SDK2: variants seen among roughly 807,000 people sequenced by gnomAD.
SDK2 encodes the protein protein sidekick-2.
A neutral mutation model predicts 253.9 loss-of-function variants in SDK2; 105 were observed. The ratio of observed to expected loss-of-function variants is 0.41; its 90% CI spans 0.35 to 0.49. The LOEUF is 0.49. SDK2 is among the 20% of genes least tolerant of loss of function. The pLI, the probability that SDK2 is intolerant of heterozygous loss-of-function variation, is 0.06. For synonymous variants in SDK2, 1,249 were observed against 1,234.9 expected, an observed-to-expected ratio of 1.01 and a Z score of -0.24; for missense variants, 2,608 against 3,003.0, an observed-to-expected ratio of 0.87 and a Z score of 3.07.
At chr17:73,533,964 G>C (rs1177082771) in intron 1 of SDK2, among the ~76,000 whole-genome samples, 1 of 151,988 alleles carries the variant, frequency 6.6e-6, no homozygotes, top group African/African-American at 2.4e-5. Flanking sequence ...AACACAATGC[G>C]GCAGCAGGAA....
chr17:73,542,844 T>C (rs2044891643), intron 1 of SDK2, among the ~76,000 whole-genome samples: 1 of 152,036 alleles, frequency 6.6e-6, no homozygotes, highest in Admixed American at 6.5e-5. Flanking sequence ...GGTGCCAAAG[T>C]CCGGAAAGGG....
At chr17:73,406,697 C>G (rs1362065664) in intron 18 of SDK2, among the ~76,000 whole-genome samples, 2 of 152,064 alleles carry the variant, frequency 1.3e-5, no homozygotes, top group East Asian at 3.8e-4. Flanking sequence ...TGTAAATATT[C>G]AACGTAATTA....
chr17:73,583,689 T>C (rs956211633), intron 1 of SDK2, among the ~76,000 whole-genome samples: 2 of 116,082 alleles, frequency 1.7e-5, no homozygotes, highest in African/African-American at 3.8e-5. Flanking sequence ...GGAGGGAAGA[T>C]GCAGGGCCAA....
At position 73,507,555 on chromosome 17, in the gene SDK2, T is replaced by G. The variant is rs1242839162; in HGVS notation, c.107A>C (p.Gln36Pro). 6.4e-7 allele frequency: 1 copy of G among 1,551,710 alleles called. No individual in the cohort carries two copies. The highest frequency in any genetic ancestry group is 8.7e-7 in the Non-Finnish European group (1 of 1,146,970). Residue 36 changes from glutamine (Q) to proline (P), a missense_variant, in exon 2 of 45, where the codon CAG (glutamine) becomes CCG (proline). Gln to Pro is a moderately conservative substitution (Grantham distance 76, BLOSUM62 -1). Coordinates refer to ENST00000392650, the MANE Select transcript of SDK2 (RefSeq NM_001144952.2). The part of the protein sequence containing the change: ...PYFKTEPVRT[Q>P]VHLEGNRLVL... The stretch of plus-strand genomic sequence containing the variant: ...CAGGCGGTTTCCTTCCAAGTGCACC[T>G]GTGTCCGCACAGGCTCTGTCTTGAA...
intron 19 of SDK2, 21 bp from the exon 20 acceptor site, chr17:73,401,773 C>A (rs770144139): frequency 7.7e-6 from 12 of 1,556,138 alleles, no homozygotes; most frequent in Non-Finnish European, 9.6e-6. Context: ...AAAGGAACCC[C>A]CACCCCCCAA....
intron 41 of SDK2, 117 bp from the exon 42 acceptor site, chr17:73,350,907 C>T: frequency 9.1e-7 from 1 of 1,093,458 alleles, no homozygotes; most frequent in Middle Eastern, 3.1e-4. Context: ...GGTCTGTACC[C>T]TCCGAATGAG....
chr17:73,544,819 G>A (rs2044930137), intron 1 of SDK2, among the ~76,000 whole-genome samples: 2 of 152,198 alleles, frequency 1.3e-5, no homozygotes, highest in Non-Finnish European at 2.9e-5. Flanking sequence ...GAGCTCGGGT[G>A]TGCAGCACCC....
intron 1 of SDK2, among the ~76,000 whole-genome samples, chr17:73,527,795 T>A (rs565118004): frequency 6.6e-6 from 1 of 152,308 alleles, no homozygotes; most frequent in East Asian, 1.9e-4. Flanking sequence ...ATACCTCCTT[T>A]GGTGGACTTC....
chr17:73,566,138 A>C (rs558454099), intron 1 of SDK2, among the ~76,000 whole-genome samples: 2 of 152,104 alleles, frequency 1.3e-5, no homozygotes, highest in Non-Finnish European at 2.9e-5. Context: ...GGTTGTTTAA[A>C]AGAGCCTGGC....
At chr17:73,598,563 A>G (rs1240529918) in intron 1 of SDK2, among the ~76,000 whole-genome samples, 1 of 152,198 alleles carries the variant, frequency 6.6e-6, no homozygotes, top group African/African-American at 2.4e-5. Context: ...ACCACCTGCT[A>G]AACTAGGCCC....
chr17:73,433,747 T>C lies in SDK2; in HGVS notation c.1297A>G (p.Ile433Val). The change falls in exon 10 of 45, where the codon ATC (isoleucine) becomes GTC (valine). Residue 433 changes from isoleucine to valine, a missense_variant. By Grantham distance (29) the Ile-to-Val change is conservative (BLOSUM62 3). Transcript: ENST00000392650. The stretch of plus-strand genomic sequence containing the variant: ...TTCCATCTACCTTTCTGCCAAGTGA[T>C]AGCTGGTCGGGGCGCCCCCGAGGTC... The part of the protein sequence containing the change: ...CETSGAPRPA[I>V]TWQKGERILA... 1 of 1,605,638 alleles carries C rather than the reference T, an allele frequency of 6.2e-7. No individual in the cohort carries two copies. The highest frequency in any genetic ancestry group is 1.7e-4 in the Middle Eastern group (1 of 6,046).
chr17:73,590,959 G>A (rs1255714092), intron 1 of SDK2, among the ~76,000 whole-genome samples: 1 of 152,144 alleles, frequency 6.6e-6, no homozygotes, highest in Non-Finnish European at 1.5e-5. Flanking sequence ...CGCTCTTGTT[G>A]CCCAGGCTGG....
intron 1 of SDK2, among the ~76,000 whole-genome samples, chr17:73,527,962 A>C (rs2064139348): frequency 6.6e-6 from 1 of 152,026 alleles, no homozygotes; most frequent in South Asian, 2.1e-4. Flanking sequence ...TGGAACCAAG[A>C]AGACCTGTGT....
At chr17:73,522,412 G>A (rs1042520515) in intron 1 of SDK2, among the ~76,000 whole-genome samples, 1 of 152,256 alleles carries the variant, frequency 6.6e-6, no homozygotes, top group African/African-American at 2.4e-5. Context: ...CTGCTGAAGG[G>A]GGGCAGTTGG....
chr17:73,534,034 C>T lies in SDK2; in HGVS notation c.65-26437G>A, dbSNP rs953892296. Among the ~76,000 whole-genome samples, 1 of 152,140 alleles carries T rather than the reference C, an allele frequency of 6.6e-6. No individual in the cohort carries two copies. Among genetic ancestry groups the T allele is most frequent in the South Asian group, 2.1e-4 (1 of 4,828 alleles). On this transcript the variant is annotated intron_variant, in intron 1 of 44. Transcript: ENST00000392650. The surrounding 1 kb of genome is among the most constrained non-coding windows in gnomAD (Gnocchi z 4.9). ...TTGCAGCCAAGACGCCATTCTGCTCCGCCTGCTCCCTGCTCCTCCTCCTCC... is the reference window on the plus strand; with the variant it reads ...TTGCAGCCAAGACGCCATTCTGCTCTGCCTGCTCCCTGCTCCTCCTCCTCC...
At chr17:73,569,951 C>A (rs2045361078) in intron 1 of SDK2, among the ~76,000 whole-genome samples, 2 of 152,126 alleles carry the variant, frequency 1.3e-5, no homozygotes, top group South Asian at 2.1e-4. Flanking sequence ...AGCCTCTCTG[C>A]AGCAGGTCCT....
Position 73,511,133 on chromosome 17 carries a change from A to G in SDK2, c.65-3536T>C, listed in dbSNP as rs1200076334. ...ACATTCTTACTTCAAAGGCGCATTC[A>G]TATTCTCCAGCAGCTTTCAAGAGCC... On this transcript the variant is annotated intron_variant, in intron 1 of 44. Coordinates refer to ENST00000392650, the MANE Select transcript of SDK2 (RefSeq NM_001144952.2). This position sits in a 1 kb window ranked among gnomAD's most constrained non-coding sequence, Gnocchi z 4.9. Among the ~76,000 whole-genome samples, 1 of 152,196 alleles carries G rather than the reference A, an allele frequency of 6.6e-6. No individual in the cohort carries two copies. The highest frequency in any genetic ancestry group is 1.5e-5 in the Non-Finnish European group (1 of 68,038).
chr17:73,597,462 A>G (rs1397143501), intron 1 of SDK2, among the ~76,000 whole-genome samples: 1 of 152,220 alleles, frequency 6.6e-6, no homozygotes, highest in Non-Finnish European at 1.5e-5. Flanking sequence ...ATGTGGACGT[A>G]TCTGTCTGGA....
At chr17:73,563,900 G>A (rs2045274011) in intron 1 of SDK2, among the ~76,000 whole-genome samples, 1 of 151,942 alleles carries the variant, frequency 6.6e-6, no homozygotes, top group South Asian at 2.1e-4. Flanking sequence ...AGCCTCCCGA[G>A]TAGCATGTGC....
Sources: allele counts gnomAD v4.1 joint callset (sites outside exome capture counted in the v4.1 genomes callset), GRCh38; gene constraint gnomAD v4.1.1; non-coding constraint Gnocchi (gnomAD v3.1); transcripts MANE v1.5; gene names NCBI Gene and HGNC (gene_info 2026-07-23, HGNC 2026-07-21).